NBEA: variants seen among roughly 807,000 people sequenced by gnomAD.
NBEA encodes the protein lysosomal-trafficking regulator 2.
NBEA carries 44 observed loss-of-function variants against 343.4 expected under a neutral mutation model. The observed-to-expected ratio is 0.13, with a 90% CI of 0.10 to 0.16. NBEA has a LOEUF of 0.16. Among genes scored for constraint, NBEA ranks in the 10% least tolerant of loss-of-function variants. The pLI is 1.00. For synonymous variants in NBEA, 1,175 were observed against 1,238.7 expected (o/e 0.95, Z 1.08); for missense variants, 2,555 against 3,631.3 (o/e 0.70, Z 7.62).
chr13:35,113,497 T>C (rs2066319781), intron 13 of NBEA, among the ~76,000 whole-genome samples: 1 of 152,190 alleles, frequency 6.6e-6, no homozygotes, highest in African/African-American at 2.4e-5. Context: ...AGATTATCTT[T>C]ATTGTGATGA....
chr13:35,093,727 A>G (rs2065196049), intron 10 of NBEA, among the ~76,000 whole-genome samples: 2 of 152,140 alleles, frequency 1.3e-5, no homozygotes, highest in Admixed American at 1.3e-4. Flanking sequence ...TTTCTAAAGC[A>G]TTCATCTATC....
At chr13:35,065,479 T>C (rs1270794288) in intron 8 of NBEA, among the ~76,000 whole-genome samples, 1 of 152,082 alleles carries the variant, frequency 6.6e-6, no homozygotes, top group Admixed American at 6.6e-5. Context: ...TCCACTTTCA[T>C]ATGTAGTTTG....
At position 35,663,860 on chromosome 13, in the gene NBEA, G is replaced by C. The variant is rs556274244; in HGVS notation, c.8363-1225G>C. Among the ~76,000 whole-genome samples, 17 of 152,304 alleles carry C rather than the reference G, an allele frequency of 1.1e-4. No individual in the cohort carries two copies. The East Asian group carries it at 2.3e-3, about 21-fold the overall frequency. ...AGATGGCAAACTAGCATGAGCTGCTGTCCCCCTTCTCCCACACTCCATCTA... is the reference window on the plus strand; with the variant it reads ...AGATGGCAAACTAGCATGAGCTGCTCTCCCCCTTCTCCCACACTCCATCTA... On this transcript the variant is annotated intron_variant, in intron 55 of 58. Transcript: ENST00000379939.
chr13:35,179,531 T>TA (rs948824540), intron 28 of NBEA, among the ~76,000 whole-genome samples: 6 of 148,536 alleles, frequency 4.0e-5, no homozygotes, highest in South Asian at 2.1e-4. Flanking sequence ...AGATCTGGGT[T>TA]AAAAAAAAAT....
At chr13:35,417,406 A>T (rs1327621002) in intron 38 of NBEA, among the ~76,000 whole-genome samples, 2 of 152,048 alleles carry the variant, frequency 1.3e-5, no homozygotes, top group Non-Finnish European at 2.9e-5. Flanking sequence ...CACCGCTTTA[A>T]ATGTGTCCCC....
chr13:35,204,808 T>A, intron 31 of NBEA, among the ~76,000 whole-genome samples: 1 of 152,078 alleles, frequency 6.6e-6, no homozygotes, highest in East Asian at 1.9e-4. Flanking sequence ...AAAAATGTTT[T>A]TACCACCAAA....
chr13:35,282,164 G>A (rs140132936), intron 34 of NBEA, among the ~76,000 whole-genome samples: 1,877 of 151,656 alleles, frequency 0.012, 32 homozygotes, highest in African/African-American at 0.043. Flanking sequence ...TGCCCACCTC[G>A]GCCTCCCAAA....
chr13:35,458,991 ATTTC>A (rs1243962814), intron 40 of NBEA, among the ~76,000 whole-genome samples: 4 of 128,240 alleles, frequency 3.1e-5, no homozygotes, highest in African/African-American at 1.3e-4. Flanking sequence ...GTAAGTTTAT[ATTTC>A]TTTACCACCG....
chr13:35,431,604 C>T (rs1174764859), intron 38 of NBEA, among the ~76,000 whole-genome samples: 1 of 152,086 alleles, frequency 6.6e-6, no homozygotes, highest in Non-Finnish European at 1.5e-5. Flanking sequence ...GTAGAATCAT[C>T]CAAGAACTCT....
chr13:35,656,551 A>C (rs1291570425), intron 55 of NBEA, among the ~76,000 whole-genome samples: 1 of 152,236 alleles, frequency 6.6e-6, no homozygotes, highest in Non-Finnish European at 1.5e-5. Flanking sequence ...ACACTAAAGT[A>C]GATAATGAGT....
chr13:35,304,343 G>C (rs905876849), intron 35 of NBEA, among the ~76,000 whole-genome samples: 37 of 152,056 alleles, frequency 2.4e-4, no homozygotes, highest in Admixed American at 1.4e-3. Context: ...GTGTGTGTGT[G>C]TGTGTGTGTG....
intron 27 of NBEA, 108 bp downstream of exon 27, chr13:35,173,702 C>A: frequency 9.3e-7 from 1 of 1,075,998 alleles, no homozygotes; most frequent in Non-Finnish European, 1.3e-6. Flanking sequence ...AGAGCAAGGA[C>A]ATTGTCATTA....
intron 24 of NBEA, among the ~76,000 whole-genome samples, chr13:35,166,115 G>T (rs1347154889): frequency 6.6e-6 from 1 of 152,020 alleles, no homozygotes; most frequent in East Asian, 1.9e-4. Context: ...TTAAAAGGTT[G>T]TATTGAAATT....
At chr13:35,472,011 C>A (rs773871799) in intron 40 of NBEA, among the ~76,000 whole-genome samples, 3 of 152,114 alleles carry the variant, frequency 2.0e-5, no homozygotes, top group Admixed American at 6.5e-5. Context: ...CGCGCGATGG[C>A]TGGTCTTGGG....
At chr13:35,330,553 A>G (rs1351877488) in intron 36 of NBEA, among the ~76,000 whole-genome samples, 1 of 151,908 alleles carries the variant, frequency 6.6e-6, no homozygotes, top group Non-Finnish European at 1.5e-5. Flanking sequence ...TCTCCTTTCC[A>G]TATCAAGCCC....
At chr13:35,059,417 ACT>A (rs1274101955) in intron 8 of NBEA, among the ~76,000 whole-genome samples, 1 of 151,820 alleles carries the variant, frequency 6.6e-6, no homozygotes, top group Non-Finnish European at 1.5e-5. Context: ...AAAAACAAAG[ACT>A]CTAGGTAAGA....
intron 44 of NBEA, among the ~76,000 whole-genome samples, chr13:35,564,509 T>A (rs1463358570): frequency 1.3e-5 from 2 of 152,184 alleles, no homozygotes; most frequent in African/African-American, 4.8e-5. Flanking sequence ...TACTGAGCCC[T>A]ATCAGGTGTC....
intron 28 of NBEA, among the ~76,000 whole-genome samples, chr13:35,178,295 G>A (rs377290540): frequency 5.9e-5 from 9 of 151,686 alleles, no homozygotes; most frequent in African/African-American, 1.2e-4. Context: ...GAACCCAGTC[G>A]TTCTAGTCAG....
At position 34,988,669 on chromosome 13, in the gene NBEA, T is replaced by C. The variant is rs1181133511; in HGVS notation, c.294+45555T>C. ...CCAGAGCTGTTCCTATTCGGCCATC[T>C]TGGACTGACCTTTGTATTGTTATGA... On this transcript the variant is annotated intron_variant, in intron 1 of 58. Coordinates refer to ENST00000379939, the MANE Select transcript of NBEA (RefSeq NM_001385012.1). 3.3e-5 allele frequency among the ~76,000 whole-genome samples: 5 copies of C among 151,110 alleles called. 1 individual carries two copies. Among genetic ancestry groups the C allele is most frequent in the Non-Finnish European group, 7.4e-5 (5 of 67,486 alleles).
Sources: allele counts gnomAD v4.1 joint callset (sites outside exome capture counted in the v4.1 genomes callset), GRCh38; gene constraint gnomAD v4.1.1; transcripts MANE v1.5; gene names NCBI Gene and HGNC (gene_info 2026-07-23, HGNC 2026-07-21).